CDC40: variants seen among roughly 807,000 people sequenced by gnomAD.
CDC40 encodes pre-mRNA-processing factor 17.
In CDC40, 27 loss-of-function variants were observed where a neutral mutation model predicts 80.6. That is an observed-to-expected ratio of 0.33 (90% CI 0.25 to 0.46). The LOEUF (loss-of-function observed/expected upper bound fraction) is 0.46, where lower values mean the gene tolerates loss of function less well. CDC40 is among the 20% of genes least tolerant of loss of function. CDC40 has a pLI of 1.00. For synonymous variants in CDC40, 221 were observed against 232.6 expected (o/e 0.95, Z 0.45); for missense variants, 486 against 694.1 (o/e 0.70, Z 3.37).
intron 12 of CDC40, among the ~76,000 whole-genome samples, chr6:110,225,038 G>A (rs151303561): frequency 2.6e-4 from 39 of 152,276 alleles, no homozygotes; most frequent in African/African-American, 9.1e-4. Context: ...ATAAAGGGTT[G>A]GAGATCTGAC....
At chr6:110,189,071 A>G (rs1270220685) in intron 1 of CDC40, among the ~76,000 whole-genome samples, 1 of 152,206 alleles carries the variant, frequency 6.6e-6, no homozygotes, top group Non-Finnish European at 1.5e-5. Flanking sequence ...ATTTGTCACT[A>G]GTTAGATCTC....
chr6:110,220,018 A>T (rs747922864), intron 12 of CDC40, 149 bp downstream of exon 12: 35 of 698,808 alleles, frequency 5.0e-5, no homozygotes, highest in Admixed American at 2.8e-4. Flanking sequence ...TTAACTATTT[A>T]AGTACTGACA....
rs532554600 is a variant in CDC40, at chr6:110,231,434, A to T, written c.*1303A>T. 2 of 152,330 alleles carry T rather than the reference A, an allele frequency of 1.3e-5. No homozygotes were observed. Among genetic ancestry groups the T allele is most frequent in the South Asian group, 4.1e-4 (2 of 4,832 alleles). The allele number at this position is 152,330 out of a possible 1,614,324, so 9.4% of individuals were successfully genotyped here. ...GAGAATTGCTTGAACCCAGGAGTGGAGGTTGCAGTGAGCTGAGATCATGCC... is the reference window on the plus strand; with the variant it reads ...GAGAATTGCTTGAACCCAGGAGTGGTGGTTGCAGTGAGCTGAGATCATGCC... On this transcript the variant is annotated 3_prime_UTR_variant, in exon 15 of 15. Transcript: ENST00000307731.
In CDC40 at chr6:110,232,058, A is replaced by G. The variant is rs946960880; in HGVS notation, c.*1927A>G. 2 of 150,808 alleles carry G rather than the reference A, an allele frequency of 1.3e-5. No individual in the cohort carries two copies. Among genetic ancestry groups the G allele is most frequent in the African/African-American group, 4.9e-5 (2 of 40,732 alleles). 9.3% of individuals were successfully genotyped at this position (150,808 alleles called of 1,614,324 possible). On this transcript the variant is annotated 3_prime_UTR_variant, in exon 15 of 15. Coordinates refer to ENST00000307731, the MANE Select transcript of CDC40 (RefSeq NM_015891.3). The stretch of plus-strand genomic sequence containing the variant: ...TGTGAAGGGACAAAAAGAATCATAC[A>G]TTTAAACTGTCTTGTTCAGCATACC...
chr6:110,195,497 G>T (rs1253366898), intron 2 of CDC40, among the ~76,000 whole-genome samples: 3 of 152,108 alleles, frequency 2.0e-5, no homozygotes, highest in Non-Finnish European at 4.4e-5. Context: ...GAGTTAAGCG[G>T]AATACTTATT....
chr6:110,220,443 CTTTTTTTTTTT>C (rs57659156), intron 12 of CDC40, among the ~76,000 whole-genome samples: 1 of 60,780 alleles, frequency 1.6e-5, no homozygotes, highest in South Asian at 6.6e-4. Flanking sequence ...GAGAAAGGCA[CTTTTTTTTTTT>C]TTTTTTTTTT....
At chr6:110,199,593 CAAAA>C (rs551892639) in intron 2 of CDC40, among the ~76,000 whole-genome samples, 1 of 83,478 alleles carries the variant, frequency 1.2e-5, no homozygotes, top group Non-Finnish European at 2.6e-5. Context: ...GACCCTGTCT[CAAAA>C]AAAAAAAAAA....
At chr6:110,187,997 T>C (rs1459089103) in intron 1 of CDC40, among the ~76,000 whole-genome samples, 1 of 152,188 alleles carries the variant, frequency 6.6e-6, no homozygotes, top group East Asian at 1.9e-4. Flanking sequence ...TAACAGCCCT[T>C]CGTTTTCTTG....
At position 110,209,208 on chromosome 6, in the gene CDC40, A is replaced by G; in HGVS notation, c.615A>G (p.Val205=). ...CAAAATATGTGGATGAAAAAGATGT[A>G]GCCAAACCTTCAGAAGTAAGCTTTG... The part of the protein sequence containing the change: ...PWAKYVDEKD[V]AKPSEEEQKE... The change falls in exon 5 of 15, where the codon GTA becomes GTG. Residue 205 remains valine (V), a synonymous_variant. Transcript: ENST00000307731. 6.2e-7 allele frequency: 1 copy of G among 1,613,088 alleles called. No homozygotes were observed.
At chr6:110,203,930 A>G (rs990371009) in intron 3 of CDC40, among the ~76,000 whole-genome samples, 4 of 152,220 alleles carry the variant, frequency 2.6e-5, no homozygotes, top group Non-Finnish European at 5.9e-5. Context: ...GAAGTGGAAA[A>G]TAGAATTTTA....
chr6:110,201,122 G>A (rs1489365314), intron 2 of CDC40, among the ~76,000 whole-genome samples: 1 of 152,010 alleles, frequency 6.6e-6, no homozygotes, highest in Non-Finnish European at 1.5e-5. Context: ...GGAACTAGTG[G>A]AAAAGAAACA....
intron 10 of CDC40, among the ~76,000 whole-genome samples, chr6:110,218,822 T>G (rs1203153624): frequency 8.3e-6 from 1 of 121,142 alleles, no homozygotes; most frequent in Non-Finnish European, 1.7e-5. Context: ...TATTCAGTGA[T>G]TTTTTTTTTT....
intron 12 of CDC40, among the ~76,000 whole-genome samples, chr6:110,222,840 C>T (rs1321245523): frequency 6.6e-6 from 1 of 152,166 alleles, no homozygotes; most frequent in East Asian, 1.9e-4. Context: ...GTAAAGAAGT[C>T]ATTATTGGTG....
chr6:110,227,558 T>TTA (rs1313388422), intron 13 of CDC40, among the ~76,000 whole-genome samples: 2 of 152,226 alleles, frequency 1.3e-5, no homozygotes, highest in African/African-American at 4.8e-5. Context: ...CACTCAGGCA[T>TTA]TATTTAAGTC....
intron 1 of CDC40, among the ~76,000 whole-genome samples, chr6:110,192,406 G>A (rs1777363380): frequency 6.6e-6 from 1 of 152,198 alleles, no homozygotes; most frequent in South Asian, 2.1e-4. Context: ...CTGTAAGGGT[G>A]GAATTGTGAT....
intron 2 of CDC40, among the ~76,000 whole-genome samples, chr6:110,196,447 T>G (rs1325219005): frequency 1.3e-5 from 2 of 152,238 alleles, no homozygotes; most frequent in African/African-American, 4.8e-5. Flanking sequence ...TAGTAATTTC[T>G]TCATTTCACT....
intron 4 of CDC40, 148 bp from the exon 5 acceptor site, chr6:110,208,936 T>C (rs1158928733): frequency 1.7e-6 from 1 of 590,350 alleles, no homozygotes; most frequent in Non-Finnish European, 2.9e-6. Context: ...TTCATGTAGA[T>C]TGTTTTTTAA....
chr6:110,226,334 G>A, intron 13 of CDC40, 91 bp downstream of exon 13: 1 of 727,458 alleles, frequency 1.4e-6, no homozygotes, highest in Non-Finnish European at 2.3e-6. Context: ...CTTCCTTCTT[G>A]GGGAAGTTTG....
chr6:110,207,184 G>A (rs562530099), intron 3 of CDC40, among the ~76,000 whole-genome samples: 6 of 151,882 alleles, frequency 4.0e-5, no homozygotes, highest in South Asian at 2.1e-4. Context: ...GGGTAATGAC[G>A]CATGCCTGTA....
Sources: allele counts gnomAD v4.1 joint callset (sites outside exome capture counted in the v4.1 genomes callset), GRCh38; gene constraint gnomAD v4.1.1; transcripts MANE v1.5; gene names NCBI Gene and HGNC (gene_info 2026-07-23, HGNC 2026-07-21).